MARCHF1: variants seen among roughly 807,000 people sequenced by gnomAD.
MARCHF1 encodes the protein membrane associated ring-CH-type finger 1.
MARCHF1 carries 40 observed loss-of-function variants against 54.2 expected under a neutral mutation model. That is an observed-to-expected ratio of 0.74 (90% confidence interval 0.57 to 0.96). The LOEUF (loss-of-function observed/expected upper bound fraction) is 0.96, where lower values mean the gene tolerates loss of function less well. MARCHF1 is among the 40% of genes least tolerant of loss of function. MARCHF1 has a pLI of 0.00. For synonymous variants in MARCHF1, 236 were observed against 236.3 expected (o/e 1.00, Z 0.01); for missense variants, 586 against 656.5 (o/e 0.89, Z 1.17).
chr4:163,744,858 A>G (rs1412064493), intron 4 of MARCHF1, among the ~76,000 whole-genome samples: 2 of 152,148 alleles, frequency 1.3e-5, no homozygotes, highest in Non-Finnish European at 2.9e-5. Context: ...ATATTGACTA[A>G]AGATATAAAA....
chr4:163,657,351 AG>A lies in MARCHF1; in HGVS notation c.162+43461del, dbSNP rs1361451094. ...AAAATTCCTAGGAATACAGCTAAGA[AG>A]GGAAGTGAAGGACCTCTTCAAGGAG... On this transcript the variant is annotated intron_variant, in intron 5 of 9. Coordinates refer to ENST00000514618, the MANE Select transcript of MARCHF1 (RefSeq NM_001394959.1). Among the ~76,000 whole-genome samples the A allele has an allele frequency of 1.2e-4, 19 of 152,258 alleles. 2 individuals carry two copies. The South Asian group carries it at 3.9e-3, about 32-fold the overall frequency.
intron 1 of MARCHF1, among the ~76,000 whole-genome samples, chr4:164,230,729 C>A (rs1732393068): frequency 6.6e-6 from 1 of 152,104 alleles, no homozygotes; most frequent in African/African-American, 2.4e-5. Flanking sequence ...GCCAGAACCA[C>A]CCAGTTAAGC....
chr4:163,542,481 TG>T (rs1264596914), intron 9 of MARCHF1, among the ~76,000 whole-genome samples: 1 of 152,238 alleles, frequency 6.6e-6, no homozygotes, highest in Non-Finnish European at 1.5e-5. Context: ...CCTAGCTGCA[TG>T]ATAGAATCAT....
chr4:163,606,294 C>G (rs889898797), intron 7 of MARCHF1, among the ~76,000 whole-genome samples: 2 of 152,044 alleles, frequency 1.3e-5, no homozygotes, highest in Admixed American at 6.6e-5. Context: ...AGTCTACTCT[C>G]TTAGCATGCA....
chr4:164,120,232 C>CA (rs1303570992), intron 1 of MARCHF1, among the ~76,000 whole-genome samples: 1 of 151,716 alleles, frequency 6.6e-6, no homozygotes, highest in Non-Finnish European at 1.5e-5. Context: ...TAAGAAGAGA[C>CA]AAAAAGAGGT....
intron 1 of MARCHF1, among the ~76,000 whole-genome samples, chr4:164,340,401 T>C: frequency 1.5e-5 from 1 of 66,966 alleles, no homozygotes; most frequent in Admixed American, 2.0e-4. Context: ...CACCAGGCCT[T>C]GATTTATATA....
At chr4:164,266,181 G>C in intron 1 of MARCHF1, among the ~76,000 whole-genome samples, 1 of 152,146 alleles carries the variant, frequency 6.6e-6, no homozygotes, top group South Asian at 2.1e-4. Context: ...TGTCACGTAG[G>C]TAATTTACAA....
chr4:163,867,715 T>A (rs2111207759), intron 3 of MARCHF1, among the ~76,000 whole-genome samples: 1 of 151,874 alleles, frequency 6.6e-6, no homozygotes, highest in Non-Finnish European at 1.5e-5. Context: ...AATATAGGTA[T>A]TCACTGGTAT....
intron 1 of MARCHF1, among the ~76,000 whole-genome samples, chr4:164,293,219 A>T (rs1212034687): frequency 6.6e-6 from 1 of 152,136 alleles, no homozygotes; most frequent in Non-Finnish European, 1.5e-5. Context: ...CTAACTTAGC[A>T]TGTGGAAAAA....
chr4:164,084,953 ATATTT>A (rs1320716452), intron 2 of MARCHF1, among the ~76,000 whole-genome samples: 1 of 151,826 alleles, frequency 6.6e-6, no homozygotes, highest in Non-Finnish European at 1.5e-5. Flanking sequence ...TCATCTATTT[ATATTT>A]TATTAAATAA....
chr4:163,771,113 T>C (rs1747144366), intron 4 of MARCHF1, among the ~76,000 whole-genome samples: 2 of 152,236 alleles, frequency 1.3e-5, no homozygotes, highest in Admixed American at 6.5e-5. Flanking sequence ...CTTTTAGTTA[T>C]TCCTTTCCCA....
chr4:164,131,270 A>T (rs932705511), intron 1 of MARCHF1, among the ~76,000 whole-genome samples: 2 of 152,138 alleles, frequency 1.3e-5, no homozygotes, highest in Admixed American at 6.6e-5. Context: ...TCATAAAAGC[A>T]TTTGCAGAGC....
intron 3 of MARCHF1, among the ~76,000 whole-genome samples, chr4:163,951,493 G>A (rs531617096): frequency 5.5e-4 from 83 of 152,282 alleles, no homozygotes; most frequent in African/African-American, 1.8e-3. Flanking sequence ...TGAAGTCTGG[G>A]CAATTAAGAG....
intron 5 of MARCHF1, among the ~76,000 whole-genome samples, chr4:163,654,155 TA>T (rs1025004191): frequency 6.6e-4 from 100 of 151,768 alleles, no homozygotes; most frequent in Non-Finnish European, 1.3e-3. Context: ...TATGGTGACA[TA>T]AACACTAATA....
intron 1 of MARCHF1, among the ~76,000 whole-genome samples, chr4:164,158,237 G>A (rs2110931684): frequency 6.6e-6 from 1 of 152,222 alleles, no homozygotes; most frequent in East Asian, 1.9e-4. Flanking sequence ...TCAAATAAGT[G>A]GCCAAGAACT....
intron 4 of MARCHF1, among the ~76,000 whole-genome samples, chr4:163,751,984 A>T (rs73868695): frequency 0.015 from 2,314 of 152,140 alleles, 57 homozygotes; most frequent in African/African-American, 0.053. Flanking sequence ...AGTTAGGTGA[A>T]ATGTGCACAA....
At chr4:164,311,721 T>G (rs80160602) in intron 1 of MARCHF1, among the ~76,000 whole-genome samples, 16,609 of 152,266 alleles carry the variant, frequency 0.11, 1,488 homozygotes, top group East Asian at 0.3. Flanking sequence ...CCCATTAAAT[T>G]ATTCTACTCA....
chr4:164,175,415 T>C (rs1030876391), intron 1 of MARCHF1, among the ~76,000 whole-genome samples: 1 of 152,188 alleles, frequency 6.6e-6, no homozygotes, highest in Non-Finnish European at 1.5e-5. Flanking sequence ...CTATTTCCTT[T>C]ACTTTTTTTC....
At chr4:164,257,667 A>T (rs967729109) in intron 1 of MARCHF1, among the ~76,000 whole-genome samples, 1 of 152,046 alleles carries the variant, frequency 6.6e-6, no homozygotes, top group Non-Finnish European at 1.5e-5. Context: ...AATAAAAAAC[A>T]TAATAAAATC....
Sources: allele counts gnomAD v4.1 joint callset (sites outside exome capture counted in the v4.1 genomes callset), GRCh38; gene constraint gnomAD v4.1.1; transcripts MANE v1.5; gene names NCBI Gene and HGNC (gene_info 2026-07-23, HGNC 2026-07-21).